The following IQGAP1 variants were observed in gnomAD, a reference collection of about 807,000 sequenced individuals.
IQGAP1 encodes ras GTPase-activating-like protein IQGAP1.
IQGAP1 carries 66 observed loss-of-function variants against 215.6 expected under a neutral mutation model. That is an observed-to-expected ratio of 0.31 (90% confidence interval 0.25 to 0.38). The LOEUF (loss-of-function observed/expected upper bound fraction) is 0.38. IQGAP1 is among the 10% of genes least tolerant of loss of function. The pLI is 1.00. For missense variants in IQGAP1, 1,712 were observed against 1,997.1 expected (o/e 0.86, Z 2.72); for synonymous variants, 772 against 728.7 (o/e 1.06, Z -0.96).
chr15:90,429,812 T>C, intron 4 of IQGAP1, 146 bp downstream of exon 4: 1 of 512,440 alleles, frequency 2.0e-6, no homozygotes, highest in South Asian at 3.5e-5. Context: ...CTTTTTGACT[T>C]AGGAAATAGT....
At chr15:90,427,520 A>G (rs917596518) in intron 3 of IQGAP1, among the ~76,000 whole-genome samples, 3 of 152,018 alleles carry the variant, frequency 2.0e-5, no homozygotes, top group Non-Finnish European at 4.4e-5. Context: ...CGGGCGGATC[A>G]CTTGAGGTCA....
intron 2 of IQGAP1, among the ~76,000 whole-genome samples, chr15:90,424,811 C>G (rs1209335473): frequency 6.6e-6 from 1 of 150,900 alleles, no homozygotes; most frequent in African/African-American, 2.4e-5. Flanking sequence ...TGCACTCCAG[C>G]CTGGGCAACA....
chr15:90,477,175 C>T lies in IQGAP1; in HGVS notation c.3049C>T (p.Arg1017Ter). The change falls in exon 25 of 38, where the codon CGA becomes TGA. Residue 1017 changes from arginine to a stop codon, truncating the protein, a stop_gained. Coordinates refer to ENST00000268182, the MANE Select transcript of IQGAP1 (RefSeq NM_003870.4). LOFTEE classifies it high-confidence loss of function. ...FTLYNYASNQ[R>*]EEYLLLRLFK... ...ACTCTACAACTACGCGTCCAACCAG[C>T]GAGAGGAGTACCTGCTCCTGCGGCT... 2 of 1,613,992 alleles carry T rather than the reference C, an allele frequency of 1.2e-6. No individual in the cohort carries two copies. The highest frequency in any genetic ancestry group is 2.2e-5 in the South Asian group (2 of 91,078).
At chr15:90,477,023 C>CT in intron 24 of IQGAP1, 44 bp from the exon 25 acceptor site, 1 of 1,572,670 alleles carries the variant, frequency 6.4e-7, no homozygotes, top group Non-Finnish European at 8.7e-7. Context: ...TCTTGCCAGC[C>CT]TTTATATTAC....
rs869037347 is a variant in IQGAP1, at chr15:90,450,330, C to CTTTTT, written c.1162+716_1162+720dup. Among the ~76,000 whole-genome samples the CTTTTT allele has an allele frequency of 6.1e-4, 33 of 54,460 alleles. 1 individual carries two copies. Among genetic ancestry groups the CTTTTT allele is most frequent in the East Asian group, 1.4e-3 (2 of 1,384 alleles). The allele number at this position is 54,460 out of a possible 152,430, so 35.7% of individuals were successfully genotyped here. On this transcript the variant is annotated intron_variant, in intron 11 of 37. Coordinates refer to ENST00000268182, the MANE Select transcript of IQGAP1 (RefSeq NM_003870.4). ...ATATTCCATTATGTGTATACACTACCTTTTTTTTTTTTTTTTTTTTTTTTT... is the reference window on the plus strand; with the variant it reads ...ATATTCCATTATGTGTATACACTACCTTTTTTTTTTTTTTTTTTTTTTTTTTTTTT...
intron 2 of IQGAP1, among the ~76,000 whole-genome samples, chr15:90,402,846 C>T (rs1964822442): frequency 1.3e-5 from 2 of 152,170 alleles, no homozygotes; most frequent in Admixed American, 6.5e-5. Context: ...TAGAAAAAGT[C>T]TCACAGATAT....
intron 2 of IQGAP1, among the ~76,000 whole-genome samples, chr15:90,420,705 A>G (rs1340827619): frequency 6.6e-6 from 1 of 152,218 alleles, no homozygotes; most frequent in South Asian, 2.1e-4. Flanking sequence ...TGTGTTGGCC[A>G]GTGATTTTTC....
At chr15:90,493,087 AT>A (rs1445145926) in intron 35 of IQGAP1, among the ~76,000 whole-genome samples, 1 of 152,112 alleles carries the variant, frequency 6.6e-6, no homozygotes, top group African/African-American at 2.4e-5. Flanking sequence ...TACTAAAAAT[AT>A]ACAAATTAGC....
At chr15:90,396,380 A>G (rs549735193) in intron 2 of IQGAP1, among the ~76,000 whole-genome samples, 1 of 152,290 alleles carries the variant, frequency 6.6e-6, no homozygotes, top group South Asian at 2.1e-4. Flanking sequence ...CACTTCTAGA[A>G]TTCTCAAAAT....
intron 2 of IQGAP1, among the ~76,000 whole-genome samples, chr15:90,402,744 A>AG (rs1964820812): frequency 6.6e-6 from 1 of 152,214 alleles, no homozygotes; most frequent in South Asian, 2.1e-4. Flanking sequence ...GGAATACAAG[A>AG]GGGAGTGGGG....
intron 2 of IQGAP1, among the ~76,000 whole-genome samples, chr15:90,414,336 T>C (rs1965013104): frequency 1.3e-5 from 2 of 152,040 alleles, no homozygotes; most frequent in African/African-American, 4.8e-5. Context: ...AAAAAAGTAA[T>C]AATAATAAAA....
At position 90,426,206 on chromosome 15, in the gene IQGAP1, C is replaced by T. The variant is rs1965220641; in HGVS notation, c.252C>T (p.Phe84=). 1.2e-6 allele frequency: 2 copies of T among 1,603,158 alleles called. No individual in the cohort carries two copies. The highest frequency in any genetic ancestry group is 1.7e-6 in the Non-Finnish European group (2 of 1,176,600). ...TCTACCTTGCCAAACTGGGGAACTT[C>T]TTCTCTCCCAAAGTAGTGTCCCTGA... ...NGVYLAKLGN[F]FSPKVVSLKK... is the part of the protein sequence containing the mutation. The change falls in exon 3 of 38, where the codon TTC becomes TTT. Residue 84 remains phenylalanine (F), a synonymous_variant. Coordinates refer to ENST00000268182, the MANE Select transcript of IQGAP1 (RefSeq NM_003870.4).
chr15:90,401,321 T>A (rs1295867857), intron 2 of IQGAP1, among the ~76,000 whole-genome samples: 1 of 152,208 alleles, frequency 6.6e-6, no homozygotes, highest in Non-Finnish European at 1.5e-5. Context: ...GAAGTTTGAA[T>A]GTTGGGTTAA....
chr15:90,491,506 A>G lies in IQGAP1; in HGVS notation c.4422A>G (p.Pro1474=). ...KKLTELGTVD[P]KNKYQELIND... Reference sequence around the variant, plus strand: ...TAACAGAGCTTGGAACCGTGGACCCAAAGAACAAATACCAGGAACTGATCA... The same window carrying G: ...TAACAGAGCTTGGAACCGTGGACCCGAAGAACAAATACCAGGAACTGATCA... The change falls in exon 34 of 38, where the codon CCA becomes CCG. Residue 1474 remains proline (P), a synonymous_variant. Coordinates refer to ENST00000268182, the MANE Select transcript of IQGAP1 (RefSeq NM_003870.4). 1 of 1,614,178 alleles carries G rather than the reference A, an allele frequency of 6.2e-7. No homozygotes were observed. Among genetic ancestry groups the G allele is most frequent in the Non-Finnish European group, 8.5e-7 (1 of 1,179,990 alleles).
rs1965557449 is a variant in IQGAP1 at position 90,448,634 on chromosome 15, C to G, written c.975C>G (p.Phe325Leu). ...ALEQGDALAL[F>L]RALQSPALGL... Reference sequence around the variant, plus strand: ...AACAAGGAGATGCACTGGCCTTGTTCAGGGCTCTGCAGTCACCAGCCCTGG... The same window carrying G: ...AACAAGGAGATGCACTGGCCTTGTTGAGGGCTCTGCAGTCACCAGCCCTGG... The change falls in exon 10 of 38, where the codon TTC becomes TTG. Residue 325 changes from phenylalanine (F) to leucine (L), a missense_variant. Coordinates refer to ENST00000268182, the MANE Select transcript of IQGAP1 (RefSeq NM_003870.4). 1 of 1,611,446 alleles carries G rather than the reference C, an allele frequency of 6.2e-7. No homozygotes were observed. The highest frequency in any genetic ancestry group is 8.5e-7 in the Non-Finnish European group (1 of 1,178,940).
At chr15:90,449,704 G>T in intron 11 of IQGAP1, 61 bp downstream of exon 11, 3 of 1,367,190 alleles carry the variant, frequency 2.2e-6, no homozygotes, top group Non-Finnish European at 3.1e-6. Context: ...TGAAGGGTCT[G>T]AGGTTAGCTT....
At chr15:90,402,219 T>C (rs570061791) in intron 2 of IQGAP1, among the ~76,000 whole-genome samples, 177 of 152,322 alleles carry the variant, frequency 1.2e-3, no homozygotes, top group African/African-American at 4.1e-3. Context: ...CCCTTCCTAA[T>C]TGCTTCCCTT....
At chr15:90,425,601 T>G (rs1358904240) in intron 2 of IQGAP1, among the ~76,000 whole-genome samples, 1 of 152,238 alleles carries the variant, frequency 6.6e-6, no homozygotes, top group East Asian at 1.9e-4. Flanking sequence ...GAGTTTCTTT[T>G]AATATTTTAG....
At position 90,443,461 on chromosome 15, in the gene IQGAP1, A is replaced by G. The variant is rs1398158420; in HGVS notation, c.896A>G (p.Asn299Ser). Residue 299 changes from asparagine to serine, a missense_variant, in exon 9 of 38, where the codon AAT becomes AGT. Asn to Ser is a conservative substitution (Grantham distance 46). This residue lies in a region of IQGAP1 where 1,021 missense variants were observed against 1,074.2 expected (regional missense o/e 0.95). Coordinates refer to ENST00000268182, the MANE Select transcript of IQGAP1 (RefSeq NM_003870.4). ...ELLTQAEIQG[N>S]INKVNTFSAL... ...CTCACGCAAGCTGAAATTCAAGGCA[A>G]TATAAACAAAGTCAATAGTAAGTAT... 3.1e-6 allele frequency: 5 copies of G among 1,607,600 alleles called. No individual in the cohort carries two copies. Among genetic ancestry groups the G allele is most frequent in the Admixed American group, 1.7e-5 (1 of 59,992 alleles).
Sources: gnomAD v4.1 joint callset for allele counts (sites outside exome capture counted in the v4.1 genomes callset) on GRCh38, gnomAD v4.1.1 for gene constraint, gnomAD v4.1.1 regional missense constraint, MANE v1.5 for transcripts, NCBI Gene and HGNC (gene_info 2026-07-23, HGNC 2026-07-21) for gene names.